Variants in TMEM135 observed in about 807,000 individuals in gnomAD.
TMEM135 encodes peroxisomal membrane protein 52.
A neutral mutation model predicts 60.3 loss-of-function variants in TMEM135; 30 were observed. That is an observed-to-expected ratio of 0.50 (90% CI 0.37 to 0.68). TMEM135 has a LOEUF of 0.68. Among genes scored for constraint, TMEM135 ranks in the 30% least tolerant of loss-of-function variants. The pLI is 0.00. For missense variants in TMEM135, 468 were observed against 548.8 expected, an observed-to-expected ratio of 0.85 and a Z score of 1.47; for synonymous variants, 190 against 186.7, an observed-to-expected ratio of 1.02 and a Z score of -0.14.
chr11:87,265,717 A>G (rs1159259073), intron 6 of TMEM135, among the ~76,000 whole-genome samples: 1 of 152,094 alleles, frequency 6.6e-6, no homozygotes, highest in Non-Finnish European at 1.5e-5. Flanking sequence ...CTTGTATAGG[A>G]TGCCAAATTA....
intron 1 of TMEM135, among the ~76,000 whole-genome samples, chr11:87,061,580 T>G (rs1949947238): frequency 6.6e-6 from 1 of 152,224 alleles, no homozygotes; most frequent in African/African-American, 2.4e-5. Flanking sequence ...AAATGTATTC[T>G]TCTAGAAGAG....
At position 87,071,026 on chromosome 11, in the gene TMEM135, A is replaced by G. The variant is rs7111064; in HGVS notation, c.270-497A>G. 1.8e-3 allele frequency among the ~76,000 whole-genome samples: 268 copies of G among 152,288 alleles called. 3 individuals carry two copies. The highest frequency in any genetic ancestry group is 6.1e-3 in the African/African-American group (252 of 41,558). On this transcript the variant is annotated intron_variant, in intron 2 of 14. Coordinates refer to ENST00000305494, the MANE Select transcript of TMEM135 (RefSeq NM_022918.4). ...TAATATTATCCTCATTTGATAAATA[A>G]AGGAAACTGAGAAGCCAGAGGGTTT...
At chr11:87,176,203 A>G (rs773628402) in intron 5 of TMEM135, among the ~76,000 whole-genome samples, 1 of 151,968 alleles carries the variant, frequency 6.6e-6, no homozygotes, top group African/African-American at 2.4e-5. Flanking sequence ...CCTTGTGGTA[A>G]TGAGTGAGTT....
intron 3 of TMEM135, among the ~76,000 whole-genome samples, chr11:87,075,745 T>C (rs2512393): frequency 0.55 from 83,737 of 152,086 alleles, 23,901 homozygotes; most frequent in East Asian, 0.71. Flanking sequence ...AACAATTGGG[T>C]CCCAAGCCCA....
At chr11:87,184,934 CA>C (rs1324426706) in intron 5 of TMEM135, among the ~76,000 whole-genome samples, 2 of 152,066 alleles carry the variant, frequency 1.3e-5, no homozygotes, top group African/African-American at 2.4e-5. Flanking sequence ...AATGATTTTT[CA>C]GTTAAAATTT....
chr11:87,324,822 G>T lies in TMEM135; in HGVS notation c.*3489G>T, dbSNP rs909718557. The T allele has an allele frequency of 4.4e-6, 2 of 453,684 alleles. No homozygotes were observed. The highest frequency in any genetic ancestry group is 8.8e-6 in the Non-Finnish European group (2 of 226,730). 28.1% of individuals were successfully genotyped at this position (453,684 alleles called of 1,614,324 possible). A position where few individuals can be genotyped will look rare whatever the true frequency, so the allele number is the denominator to read the frequency against. On this transcript the variant is annotated 3_prime_UTR_variant, in exon 15 of 15. Transcript: ENST00000305494. The stretch of plus-strand genomic sequence containing the variant: ...GGCAAAAGTATACATTTCTTACTAA[G>T]ATATCTTATAAACATTCTCTCTCCT...
intron 5 of TMEM135, among the ~76,000 whole-genome samples, chr11:87,185,119 T>C (rs1010997203): frequency 2.0e-5 from 3 of 152,286 alleles, no homozygotes; most frequent in African/African-American, 7.2e-5. Flanking sequence ...TATCACTCTA[T>C]GTAAATATTT....
At chr11:87,308,948 T>G (rs1197304262) in intron 9 of TMEM135, among the ~76,000 whole-genome samples, 1 of 152,288 alleles carries the variant, frequency 6.6e-6, no homozygotes, top group Admixed American at 6.5e-5. Context: ...CCGACAGGAA[T>G]GAAAACCTAG....
intron 5 of TMEM135, among the ~76,000 whole-genome samples, chr11:87,206,606 T>C (rs1940240140): frequency 6.6e-6 from 1 of 152,164 alleles, no homozygotes; most frequent in African/African-American, 2.4e-5. Context: ...ATCAGAAACA[T>C]CTGTAAACAA....
At chr11:87,074,451 G>T (rs1590998447) in intron 3 of TMEM135, among the ~76,000 whole-genome samples, 1 of 152,102 alleles carries the variant, frequency 6.6e-6, no homozygotes, top group East Asian at 1.9e-4. Context: ...GTTTTGAAAA[G>T]ATATTTTTGA....
intron 6 of TMEM135, among the ~76,000 whole-genome samples, chr11:87,292,494 A>G (rs1002153965): frequency 1.3e-5 from 2 of 152,246 alleles, no homozygotes; most frequent in Non-Finnish European, 2.9e-5. Context: ...AATCAAATCC[A>G]TAGAATAATG....
chr11:87,162,386 G>C (rs1182947263), intron 5 of TMEM135, among the ~76,000 whole-genome samples: 1 of 152,018 alleles, frequency 6.6e-6, no homozygotes. Context: ...TCCAACGCCC[G>C]ACAGGCCCCA....
At chr11:87,254,330 A>G (rs1292422386) in intron 6 of TMEM135, among the ~76,000 whole-genome samples, 2 of 152,186 alleles carry the variant, frequency 1.3e-5, no homozygotes, top group African/African-American at 4.8e-5. Flanking sequence ...AAAAACATAC[A>G]TGTGTTTTAG....
chr11:87,075,383 G>A (rs996001735), intron 3 of TMEM135, among the ~76,000 whole-genome samples: 4 of 151,964 alleles, frequency 2.6e-5, no homozygotes, highest in African/African-American at 7.2e-5. Flanking sequence ...TTCGATCTCC[G>A]GACCTCGTGA....
intron 6 of TMEM135, among the ~76,000 whole-genome samples, chr11:87,256,377 T>C (rs1040855400): frequency 3.8e-4 from 58 of 152,314 alleles, no homozygotes; most frequent in African/African-American, 1.3e-3. Context: ...AAATTATAAA[T>C]TCAGAAGTTG....
At chr11:87,142,696 C>T (rs1027992290) in intron 4 of TMEM135, among the ~76,000 whole-genome samples, 1 of 151,504 alleles carries the variant, frequency 6.6e-6, no homozygotes, top group African/African-American at 2.4e-5. Context: ...TCCTCCTCCT[C>T]CTCCTCCTTC....
At chr11:87,181,972 A>G (rs1939527107) in intron 5 of TMEM135, among the ~76,000 whole-genome samples, 1 of 150,836 alleles carries the variant, frequency 6.6e-6, no homozygotes, top group African/African-American at 2.4e-5. Flanking sequence ...TTTTAAAGAG[A>G]GAATTGTTTT....
At chr11:87,044,761 C>T (rs1949780061) in intron 1 of TMEM135, among the ~76,000 whole-genome samples, 1 of 151,996 alleles carries the variant, frequency 6.6e-6, no homozygotes, top group Admixed American at 6.6e-5. Flanking sequence ...CGCCCTTCTC[C>T]TGCCTCAGCC....
rs182210971 is a variant in TMEM135 at position 87,167,567 on chromosome 11, A to C, written c.462+10161A>C. ...CTTTTCTGCATCTATTGGGATAATC[A>C]TGTGGTTTTTGCCATTGGTTCTGTT... is the stretch of plus-strand genomic sequence containing the variant. On this transcript the variant is annotated intron_variant, in intron 5 of 14. Transcript: ENST00000305494. Among the ~76,000 whole-genome samples the C allele has an allele frequency of 1.1e-3, 167 of 152,246 alleles. 2 individuals are homozygous for C. Among genetic ancestry groups the C allele is most frequent in the African/African-American group, 3.9e-3 (161 of 41,556 alleles).
Sources: gnomAD v4.1 joint callset for allele counts (sites outside exome capture counted in the v4.1 genomes callset) on GRCh38, gnomAD v4.1.1 for gene constraint, MANE v1.5 for transcripts, NCBI Gene and HGNC (gene_info 2026-07-23, HGNC 2026-07-21) for gene names.